ABCA13: variants seen among roughly 807,000 people sequenced by gnomAD.
ABCA13 encodes the protein ATP binding cassette subfamily A member 13.
A neutral mutation model predicts 478.7 loss-of-function variants in ABCA13; 476 were observed. The ratio of observed to expected loss-of-function variants is 0.99; its 90% CI spans 0.92 to 1.07. The LOEUF (loss-of-function observed/expected upper bound fraction) is 1.07, where lower values mean the gene tolerates loss of function less well. Ranked by LOEUF, ABCA13 falls within the 50% of genes least tolerant of loss-of-function variation. The pLI, the probability that ABCA13 is intolerant of heterozygous loss-of-function variation, is 0.00. For synonymous variants in ABCA13, 2,252 were observed against 2,158.9 expected (o/e 1.04, Z -1.20); for missense variants, 6,060 against 5,910.6 (o/e 1.03, Z -0.83).
In ABCA13 at chr7:48,351,882, C is replaced by A. The variant is rs562169298; in HGVS notation, c.10382-299C>A. On this transcript the variant is annotated intron_variant, in intron 30 of 61. Transcript: ENST00000435803. Reference sequence around the variant, plus strand: ...AACATCTGCAATCAAGAGAAAAAAACCCTGCAAAAAACATCTGACAAATAA... The same window carrying A: ...AACATCTGCAATCAAGAGAAAAAAAACCTGCAAAAAACATCTGACAAATAA... 3.9e-5 allele frequency among the ~76,000 whole-genome samples: 6 copies of A among 152,116 alleles called. No homozygotes were observed. The South Asian group carries it at 1.2e-3, about 32-fold the overall frequency.
At chr7:48,429,812 G>A (rs141274856) in intron 42 of ABCA13, among the ~76,000 whole-genome samples, 1 of 152,254 alleles carries the variant, frequency 6.6e-6, no homozygotes, top group Non-Finnish European at 1.5e-5. Flanking sequence ...CATCTATTGA[G>A]ATGATCATTT....
intron 15 of ABCA13, among the ~76,000 whole-genome samples, chr7:48,258,984 AC>A (rs1028614068): frequency 6.9e-6 from 1 of 145,310 alleles, no homozygotes; most frequent in Non-Finnish European, 1.5e-5. Context: ...GTTTGGTGTG[AC>A]TTTTTTTTTT....
At chr7:48,328,472 G>C (rs184105561) in intron 27 of ABCA13, among the ~76,000 whole-genome samples, 27 of 152,242 alleles carry the variant, frequency 1.8e-4, no homozygotes, top group Non-Finnish European at 3.8e-4. Context: ...GGCCTTGTTT[G>C]ATATAACCTC....
chr7:48,354,897 A>G lies in ABCA13; in HGVS notation c.10688+2410A>G, dbSNP rs766149949. On this transcript the variant is annotated intron_variant, in intron 31 of 61. Coordinates refer to ENST00000435803, the MANE Select transcript of ABCA13 (RefSeq NM_152701.5). ...GTTTGTACTGTAGACAATGTTTGTTAAAATTTTTTTAGCAGTTTCCTCCTG... is the reference window on the plus strand; with the variant it reads ...GTTTGTACTGTAGACAATGTTTGTTGAAATTTTTTTAGCAGTTTCCTCCTG... Among the ~76,000 whole-genome samples, 209 of 152,160 alleles carry G rather than the reference A, an allele frequency of 1.4e-3. 2 individuals are homozygous for G. Among genetic ancestry groups the G allele is most frequent in the Non-Finnish European group, 7.2e-4 (49 of 68,026 alleles).
At chr7:48,215,099 G>T (rs1786244481) in intron 3 of ABCA13, among the ~76,000 whole-genome samples, 1 of 152,138 alleles carries the variant, frequency 6.6e-6, no homozygotes, top group African/African-American at 2.4e-5. Context: ...TGGGCAACAA[G>T]AGTGAGACTC....
chr7:48,510,463 TTGGTTCTACGTGTGTGGGAGGAGGC>T (rs1377959348), intron 50 of ABCA13, among the ~76,000 whole-genome samples: 17 of 152,130 alleles, frequency 1.1e-4, no homozygotes, highest in South Asian at 4.1e-4. Context: ...GAGCCTGTCC[TTGGTTCTACGTGTGTGGGAGGAGGC>T]TGTGTTTCAT....
At chr7:48,453,510 G>C (rs147578777) in intron 42 of ABCA13, among the ~76,000 whole-genome samples, 420 of 152,188 alleles carry the variant, frequency 2.8e-3, no homozygotes, top group Non-Finnish European at 2.5e-3. Context: ...TTCTTGTCTT[G>C]GTTTCTGATC....
chr7:48,281,601 C>T (rs1243872380), intron 19 of ABCA13, 149 bp downstream of exon 19: 3 of 681,512 alleles, frequency 4.4e-6, no homozygotes, highest in Non-Finnish European at 7.3e-6. Flanking sequence ...GAGGGATCTG[C>T]CCCTCCCAAC....
intron 55 of ABCA13, among the ~76,000 whole-genome samples, chr7:48,569,252 A>G (rs1186629622): frequency 6.6e-6 from 1 of 152,102 alleles, no homozygotes; most frequent in African/African-American, 2.4e-5. Context: ...CAGATATTAC[A>G]GCTGTATCTT....
At chr7:48,358,196 CAGGAA>C (rs1268391909) in intron 31 of ABCA13, among the ~76,000 whole-genome samples, 16 of 112,726 alleles carry the variant, frequency 1.4e-4, no homozygotes, top group Admixed American at 3.5e-4. Flanking sequence ...CAGGACAGGA[CAGGAA>C]AGGAAAGGAA....
rs546214873 is a variant in ABCA13 at position 48,490,838 on chromosome 7, A to T, written c.13291+1494A>T. Among the ~76,000 whole-genome samples the T allele has an allele frequency of 5.3e-5, 8 of 152,362 alleles. No homozygotes were observed. In the South Asian group the frequency reaches 1.7e-3, roughly 32 times the overall value. On this transcript the variant is annotated intron_variant, in intron 48 of 61. Transcript: ENST00000435803. The stretch of plus-strand genomic sequence containing the variant: ...ACCAATATGTGAGAATAAGAATGAC[A>T]TAATCTATGTAATATGTTAGGAAGA...
chr7:48,552,263 T>C (rs1482380872), intron 55 of ABCA13, among the ~76,000 whole-genome samples: 2 of 151,920 alleles, frequency 1.3e-5, no homozygotes, highest in Non-Finnish European at 2.9e-5. Context: ...TCATCTTGCA[T>C]TCTTCTGGAA....
intron 51 of ABCA13, among the ~76,000 whole-genome samples, chr7:48,511,753 G>T (rs889707510): frequency 2.0e-5 from 3 of 152,004 alleles, no homozygotes; most frequent in African/African-American, 4.8e-5. Flanking sequence ...CCGGTATCAG[G>T]ATATATATGT....
chr7:48,473,311 C>T (rs554190563), intron 45 of ABCA13, among the ~76,000 whole-genome samples: 11 of 152,228 alleles, frequency 7.2e-5, no homozygotes, highest in Non-Finnish European at 1.3e-4. Flanking sequence ...GCAAGCTCCC[C>T]GTGCAAGCTT....
At chr7:48,330,075 A>G (rs1361067008) in intron 27 of ABCA13, among the ~76,000 whole-genome samples, 3 of 140,196 alleles carry the variant, frequency 2.1e-5, no homozygotes, top group Admixed American at 7.0e-5. Flanking sequence ...CCATCCATCC[A>G]TTCATCCATC....
At chr7:48,299,622 G>C (rs566308709) in intron 23 of ABCA13, among the ~76,000 whole-genome samples, 2 of 152,306 alleles carry the variant, frequency 1.3e-5, no homozygotes, top group African/African-American at 4.8e-5. Flanking sequence ...AGTGGAAGGA[G>C]TAATCGGAGC....
Position 48,481,062 on chromosome 7 carries a change from T to C in ABCA13, c.13002T>C (p.Ala4334=). Residue 4334 remains alanine (A), a synonymous_variant, in exon 46 of 62, where the codon GCT becomes GCC. Coordinates refer to ENST00000435803, the MANE Select transcript of ABCA13 (RefSeq NM_152701.5). ...AGTGTCCAAATAGAAGTGCTAGTGC[T>C]CCCTACCTGACCAACCACCTGGGCC... ...CLKCPNRSAS[A]PYLTNHLGHT... is the part of the protein sequence containing the mutation. 6.2e-7 allele frequency: 1 copy of C among 1,600,818 alleles called. No individual in the cohort carries two copies. The highest frequency in any genetic ancestry group is 1.1e-5 in the South Asian group (1 of 87,852).
In ABCA13 at chr7:48,281,336, TG is replaced by T. The variant is rs757254060; in HGVS notation, c.8727-6del. 1 of 1,587,958 alleles carries T rather than the reference TG, an allele frequency of 6.3e-7. No homozygotes were observed. The highest frequency in any genetic ancestry group is 8.6e-7 in the Non-Finnish European group (1 of 1,166,628). The stretch of plus-strand genomic sequence containing the variant: ...TTTTATGTCATTGTATATATTTTTT[TG>T]CTAAGTGTTGTTGAGATTTGTGAAG... On this transcript the variant is annotated splice_polypyrimidine_tract_variant and splice_region_variant and intron_variant, in intron 18 of 61. Coordinates refer to ENST00000435803, the MANE Select transcript of ABCA13 (RefSeq NM_152701.5).
intron 27 of ABCA13, among the ~76,000 whole-genome samples, chr7:48,331,636 C>T (rs1199330578): frequency 6.6e-6 from 1 of 152,142 alleles, no homozygotes; most frequent in East Asian, 1.9e-4. Flanking sequence ...GATCGGTGTA[C>T]CCTTCACTGG....
Sources: gnomAD v4.1 joint callset for allele counts (sites outside exome capture counted in the v4.1 genomes callset) on GRCh38, gnomAD v4.1.1 for gene constraint, MANE v1.5 for transcripts, NCBI Gene and HGNC (gene_info 2026-07-23, HGNC 2026-07-21) for gene names.